The following EPB41L3 variants were observed in gnomAD, a reference collection of about 807,000 sequenced individuals.
EPB41L3 encodes erythrocyte membrane protein band 4.1 like 3.
EPB41L3 carries 57 observed loss-of-function variants against 127.1 expected under a neutral mutation model. The ratio of observed to expected loss-of-function variants is 0.45; its 90% CI spans 0.36 to 0.56. The LOEUF (loss-of-function observed/expected upper bound fraction) is 0.56. Ranked by LOEUF, EPB41L3 falls within the 20% of genes least tolerant of loss-of-function variation. The pLI is 0.00. For synonymous variants in EPB41L3, 572 were observed against 549.5 expected, an observed-to-expected ratio of 1.04 and a Z score of -0.57; for missense variants, 1,273 against 1,372.2, an observed-to-expected ratio of 0.93 and a Z score of 1.14.
intron 3 of EPB41L3, among the ~76,000 whole-genome samples, chr18:5,605,542 CTGA>C (rs924929759): frequency 6.6e-6 from 1 of 152,064 alleles, no homozygotes; most frequent in African/African-American, 2.4e-5. Context: ...CCACACCTGG[CTGA>C]TGTTTATTTT....
chr18:5,557,633 TGTCGG>T (rs557528753), intron 3 of EPB41L3, among the ~76,000 whole-genome samples: 56 of 135,786 alleles, frequency 4.1e-4, no homozygotes, highest in South Asian at 3.7e-3. Flanking sequence ...GATCCACCCC[TGTCGG>T]CCTCCCAAAG....
chr18:5,416,025 G>A lies in EPB41L3; in HGVS notation c.1860C>T (p.Ser620=). ...NLSETNLLPQ[S]LQHYLPIRSP... Reference sequence around the variant, plus strand: ...AGCGGATCGGGAGGTAATGCTGCAAGCTCTGGGGCAGGAGGTTGGTTTCAG... The same window carrying A: ...AGCGGATCGGGAGGTAATGCTGCAAACTCTGGGGCAGGAGGTTGGTTTCAG... Residue 620 remains serine (S), a synonymous_variant, in exon 13 of 23, where the codon AGC becomes AGT. Coordinates refer to ENST00000341928, the MANE Select transcript of EPB41L3 (RefSeq NM_012307.5). The A allele has an allele frequency of 6.2e-7, 1 of 1,614,062 alleles. No homozygotes were observed. Among genetic ancestry groups the A allele is most frequent in the Non-Finnish European group, 8.5e-7 (1 of 1,179,970 alleles).
At chr18:5,448,714 A>C (rs1038196695) in intron 3 of EPB41L3, among the ~76,000 whole-genome samples, 1 of 152,192 alleles carries the variant, frequency 6.6e-6, no homozygotes, top group African/African-American at 2.4e-5. Context: ...TCTGACTCAA[A>C]AGCATTCAGT....
At chr18:5,601,551 G>C (rs2094591966) in intron 3 of EPB41L3, among the ~76,000 whole-genome samples, 1 of 152,116 alleles carries the variant, frequency 6.6e-6, no homozygotes, top group South Asian at 2.1e-4. Context: ...CTTGGGCCAG[G>C]CAAGACAAAC....
At chr18:5,440,721 T>C (rs1326207093) in intron 5 of EPB41L3, among the ~76,000 whole-genome samples, 1 of 152,222 alleles carries the variant, frequency 6.6e-6, no homozygotes, top group African/African-American at 2.4e-5. Flanking sequence ...ATACTGCATT[T>C]ATATCATAAA....
At chr18:5,528,489 C>T (rs976661443) in intron 1 of EPB41L3, among the ~76,000 whole-genome samples, 4 of 151,844 alleles carry the variant, frequency 2.6e-5, no homozygotes, top group African/African-American at 9.7e-5. Flanking sequence ...TTTGTGCAGG[C>T]TGTGTATATA....
intron 9 of EPB41L3, among the ~76,000 whole-genome samples, chr18:5,424,885 C>T (rs552673852): frequency 1.3e-5 from 2 of 152,160 alleles, no homozygotes; most frequent in South Asian, 2.1e-4. Context: ...TTGTGTGTTC[C>T]GCTATGGATT....
At chr18:5,614,310 C>G (rs1308795630) in intron 2 of EPB41L3, 3 of 152,174 alleles carry the variant, frequency 2.0e-5, no homozygotes, top group African/African-American at 7.2e-5. Context: ...AAATGAATAA[C>G]TTCCCTTACA....
chr18:5,553,654 T>A (rs1041490701), intron 3 of EPB41L3, among the ~76,000 whole-genome samples: 1 of 152,216 alleles, frequency 6.6e-6, no homozygotes, highest in African/African-American at 2.4e-5. Context: ...TCCCGCTGGC[T>A]CTACCTTCAG....
At chr18:5,571,193 T>C (rs1380209738) in intron 3 of EPB41L3, among the ~76,000 whole-genome samples, 6 of 152,310 alleles carry the variant, frequency 3.9e-5, no homozygotes, top group Admixed American at 1.3e-4. Context: ...CAGAAACAAA[T>C]ATTGGCTCTA....
chr18:5,508,811 A>G (rs1343706186), intron 1 of EPB41L3, among the ~76,000 whole-genome samples: 1 of 151,266 alleles, frequency 6.6e-6, no homozygotes, highest in Non-Finnish European at 1.5e-5. Flanking sequence ...AATACCAGCT[A>G]TTTGATGTGT....
chr18:5,521,964 TAC>T (rs2093008582), intron 1 of EPB41L3, among the ~76,000 whole-genome samples: 1 of 152,220 alleles, frequency 6.6e-6, no homozygotes, highest in African/African-American at 2.4e-5. Flanking sequence ...ACCTTAATTA[TAC>T]AGTTAAAATT....
At chr18:5,581,346 T>C (rs765933557) in intron 3 of EPB41L3, among the ~76,000 whole-genome samples, 18 of 152,212 alleles carry the variant, frequency 1.2e-4, no homozygotes, top group Admixed American at 2.6e-4. Context: ...GTGTCTAATA[T>C]AAGGTACACC....
chr18:5,464,205 T>C (rs1211396830), intron 3 of EPB41L3, among the ~76,000 whole-genome samples: 2 of 152,234 alleles, frequency 1.3e-5, no homozygotes, highest in Non-Finnish European at 2.9e-5. Context: ...AATTAAAATA[T>C]GTGAATACTA....
intron 1 of EPB41L3, among the ~76,000 whole-genome samples, chr18:5,509,594 C>T (rs1451694067): frequency 1.3e-5 from 2 of 152,228 alleles, no homozygotes; most frequent in African/African-American, 4.8e-5. Flanking sequence ...GCACTGGCTT[C>T]ACACAAAGAA....
intron 6 of EPB41L3, among the ~76,000 whole-genome samples, chr18:5,436,569 C>T (rs1205142690): frequency 2.0e-5 from 3 of 151,952 alleles, no homozygotes; most frequent in Non-Finnish European, 2.9e-5. Flanking sequence ...CCACGATGCC[C>T]GGCTAATTTT....
chr18:5,435,056 G>A (rs2079560433), intron 6 of EPB41L3, among the ~76,000 whole-genome samples: 1 of 151,950 alleles, frequency 6.6e-6, no homozygotes, highest in Admixed American at 6.6e-5. Context: ...TAACAAAAGA[G>A]TTTTAAAAGT....
At chr18:5,447,687 A>G (rs2081699169) in intron 3 of EPB41L3, among the ~76,000 whole-genome samples, 1 of 152,076 alleles carries the variant, frequency 6.6e-6, no homozygotes, top group African/African-American at 2.4e-5. Context: ...CCCTGGTTAC[A>G]GTTCCAATTC....
intron 4 of EPB41L3, among the ~76,000 whole-genome samples, chr18:5,444,101 T>C (rs570215629): frequency 1.3e-5 from 2 of 152,198 alleles, no homozygotes; most frequent in South Asian, 4.1e-4. Context: ...AGTTTGGGCC[T>C]GACAAAAGTC....
Sources: gnomAD v4.1 joint callset for allele counts (sites outside exome capture counted in the v4.1 genomes callset) on GRCh38, gnomAD v4.1.1 for gene constraint, MANE v1.5 for transcripts, NCBI Gene and HGNC (gene_info 2026-07-23, HGNC 2026-07-21) for gene names.